The following GALNT5 variants were observed in gnomAD, a reference collection of about 807,000 sequenced individuals.
The protein encoded by GALNT5 is polypeptide N-acetylgalactosaminyltransferase 5, also known as UDP-GalNAc:polypeptide N-acetylgalactosaminyltransferase 5.
GALNT5 carries 72 observed loss-of-function variants against 85.4 expected under a neutral mutation model. The observed-to-expected ratio is 0.84, with a 90% CI of 0.70 to 1.03. The LOEUF (loss-of-function observed/expected upper bound fraction) is 1.03, where lower values mean the gene tolerates loss of function less well. Ranked by LOEUF, GALNT5 falls within the 50% of genes least tolerant of loss-of-function variation. The probability of loss-of-function intolerance (pLI) is 0.00; values close to 1 mark genes in which losing one functional copy is unlikely to be tolerated. For missense variants in GALNT5, 1,137 were observed against 1,135.5 expected, an observed-to-expected ratio of 1.00 and a Z score of -0.02; for synonymous variants, 404 against 397.0, an observed-to-expected ratio of 1.02 and a Z score of -0.21.
chr2:157,260,112 A>G (rs893250657), intron 1 of GALNT5, among the ~76,000 whole-genome samples: 4 of 152,246 alleles, frequency 2.6e-5, no homozygotes, highest in Non-Finnish European at 4.4e-5. Flanking sequence ...TCAGGAGATC[A>G]GTTACATAGG....
At chr2:157,283,354 T>C (rs6437043) in intron 1 of GALNT5, among the ~76,000 whole-genome samples, 27,213 of 152,098 alleles carry the variant, frequency 0.18, 5,552 homozygotes, top group African/African-American at 0.5. Flanking sequence ...GCACTGCTTA[T>C]GAAGAGTGGC....
intron 3 of GALNT5, among the ~76,000 whole-genome samples, chr2:157,293,980 T>C (rs1362726199): frequency 6.6e-6 from 1 of 152,212 alleles, no homozygotes; most frequent in Non-Finnish European, 1.5e-5. Flanking sequence ...AGTTTCCTTG[T>C]CTCTTAAGTG....
At chr2:157,290,092 TATA>T (rs1416116850) in intron 3 of GALNT5, among the ~76,000 whole-genome samples, 2,454 of 8,206 alleles carry the variant, frequency 0.3, 112 homozygotes, top group Middle Eastern at 0.5. Context: ...AAAATGTATA[TATA>T]TATATATATA....
chr2:157,271,671 T>C (rs896187285), intron 1 of GALNT5, among the ~76,000 whole-genome samples: 1 of 152,174 alleles, frequency 6.6e-6, no homozygotes, highest in Non-Finnish European at 1.5e-5. Flanking sequence ...GATGCCATTA[T>C]GAGGGAAATG....
chr2:157,313,310 G>C lies in GALNT5; in HGVS notation c.*1962G>C, dbSNP rs750121976. 2.0e-5 allele frequency: 3 copies of C among 152,124 alleles called. No homozygotes were observed. The highest frequency in any genetic ancestry group is 4.4e-5 in the Non-Finnish European group (3 of 68,008). The allele number at this position is 152,124 out of a possible 1,614,324, so 9.4% of individuals were successfully genotyped here. ...AAGTTTGTAACCTAGGAGCAACAGGGATTCCATATAGCCTAGGTGTGTAGT... is the reference window on the plus strand; with the variant it reads ...AAGTTTGTAACCTAGGAGCAACAGGCATTCCATATAGCCTAGGTGTGTAGT... On this transcript the variant is annotated 3_prime_UTR_variant, in exon 10 of 10. Transcript: ENST00000259056.
chr2:157,273,129 C>T (rs2105127961), intron 1 of GALNT5, among the ~76,000 whole-genome samples: 2 of 152,246 alleles, frequency 1.3e-5, no homozygotes, highest in South Asian at 4.2e-4. Context: ...TCATTGTGCT[C>T]TAGCCCCACC....
intron 5 of GALNT5, among the ~76,000 whole-genome samples, chr2:157,297,517 C>T (rs931791873): frequency 1.3e-5 from 2 of 152,220 alleles, no homozygotes; most frequent in Non-Finnish European, 2.9e-5. Context: ...CTGGATTTAA[C>T]ACTCTTATTC....
intron 1 of GALNT5, among the ~76,000 whole-genome samples, chr2:157,275,188 A>G (rs1682693258): frequency 6.6e-6 from 1 of 152,028 alleles, no homozygotes; most frequent in Non-Finnish European, 1.5e-5. Flanking sequence ...ATTCGTCCAT[A>G]TATCTGTTTT....
rs781617745 is a variant in GALNT5, at chr2:157,259,477, T to G, written c.1395T>G (p.Asn465Lys). 3 of 1,455,152 alleles carry G rather than the reference T, an allele frequency of 2.1e-6. No homozygotes were observed. The African/African-American group carries it at 4.3e-5, about 21-fold the overall frequency. 90.1% of individuals were successfully genotyped at this position (1,455,152 alleles called of 1,614,324 possible). A position where few individuals can be genotyped will look rare whatever the true frequency, so the allele number is the denominator to read the frequency against. ...GAAGATGGAAAGAAGGAAACTTCAATGTCTACCTTAGCGATTTGATCCCAG... is the reference window on the plus strand; with the variant it reads ...GAAGATGGAAAGAAGGAAACTTCAAGGTCTACCTTAGCGATTTGATCCCAG... The part of the protein sequence containing the change: ...AERRWKEGNF[N>K]VYLSDLIPVD... The change falls in exon 1 of 10, where the codon AAT (asparagine) becomes AAG (lysine). Residue 465 changes from asparagine to lysine, a missense_variant. Transcript: ENST00000259056.
intron 4 of GALNT5, 107 bp downstream of exon 4, chr2:157,295,905 C>A: frequency 1.3e-6 from 1 of 771,960 alleles, no homozygotes; most frequent in Non-Finnish European, 2.1e-6. Context: ...AAATCCAAGA[C>A]ATATACAGTT....
At position 157,316,729 on chromosome 2, in the gene GALNT5, GTGT is replaced by G. The variant is rs1683713403; in HGVS notation, c.*5384_*5386del. Reference sequence around the variant, plus strand: ...TGAAGCTTAATGGATAGTATTCCAGGTGTTGGTGGTGTCTGTATCTCAAAGAAA... The same window carrying G: ...TGAAGCTTAATGGATAGTATTCCAGGTGGTGGTGTCTGTATCTCAAAGAAA... On this transcript the variant is annotated 3_prime_UTR_variant, in exon 10 of 10. Coordinates refer to ENST00000259056, the MANE Select transcript of GALNT5 (RefSeq NM_014568.3). Among the ~76,000 whole-genome samples the G allele has an allele frequency of 6.6e-6, 1 of 152,074 alleles. No individual in the cohort carries two copies. Among genetic ancestry groups the G allele is most frequent in the Non-Finnish European group, 1.5e-5 (1 of 68,004 alleles).
chr2:157,294,908 A>G (rs1325353773), intron 3 of GALNT5, among the ~76,000 whole-genome samples: 1 of 151,812 alleles, frequency 6.6e-6, no homozygotes, highest in Admixed American at 6.6e-5. Flanking sequence ...ACTTCACACA[A>G]CTAACAGGGA....
rs757282848 is a variant in GALNT5, at chr2:157,311,168, T to C, written c.2683-40T>C. 28 of 1,541,412 alleles carry C rather than the reference T, an allele frequency of 1.8e-5. No homozygotes were observed. The Admixed American group carries it at 5.0e-4, about 27-fold the overall frequency. ...ATTTCTTCATATTGCAGTTATCAAATTCAGCCTGTGGCTCATTCCCAGCTC... is the reference window on the plus strand; with the variant it reads ...ATTTCTTCATATTGCAGTTATCAAACTCAGCCTGTGGCTCATTCCCAGCTC... On this transcript the variant is annotated intron_variant, in intron 9 of 9. Transcript: ENST00000259056.
chr2:157,300,809 AG>A lies in GALNT5; in HGVS notation c.2251del (p.Val751SerfsTer22). The A allele has an allele frequency of 6.2e-7, 1 of 1,614,092 alleles. No individual in the cohort carries two copies. The highest frequency in any genetic ancestry group is 8.5e-7 in the Non-Finnish European group (1 of 1,179,996). ...TVERNLVRVA[E>X]VWLDEYKELF... Reference sequence around the variant, plus strand: ...GAGCGGAACTTGGTGCGGGTTGCCGAGGTCTGGCTGGATGAGTATAAGGAGC... The same window carrying A: ...GAGCGGAACTTGGTGCGGGTTGCCGAGTCTGGCTGGATGAGTATAAGGAGC... On this transcript the variant is annotated frameshift_variant, in exon 7 of 10. Transcript: ENST00000259056. LOFTEE classifies it high-confidence loss of function.
At chr2:157,290,364 TAC>T (rs1437787398) in intron 3 of GALNT5, among the ~76,000 whole-genome samples, 1 of 152,076 alleles carries the variant, frequency 6.6e-6, no homozygotes, top group Non-Finnish European at 1.5e-5. Context: ...TGCCCAAGGA[TAC>T]ATCCAATGCT....
At chr2:157,299,453 G>T in intron 5 of GALNT5, 95 bp from the exon 6 acceptor site, 1 of 712,114 alleles carries the variant, frequency 1.4e-6, no homozygotes, top group Non-Finnish European at 2.5e-6. Context: ...ATTCTGAAAA[G>T]CCTCCTACCT....
chr2:157,311,561 G>T lies in GALNT5; in HGVS notation c.*213G>T, dbSNP rs2105174532. 3 of 434,458 alleles carry T rather than the reference G, an allele frequency of 6.9e-6. No homozygotes were observed. Among genetic ancestry groups the T allele is most frequent in the South Asian group, 3.0e-5 (1 of 33,786 alleles). The allele number at this position is 434,458 out of a possible 1,614,324, so 26.9% of individuals were successfully genotyped here. ...TGAAGTCCTTCTTCGGAACTGGGTGGCCTTTGAATTGCCTGCTTTCCACCC... is the reference window on the plus strand; with the variant it reads ...TGAAGTCCTTCTTCGGAACTGGGTGTCCTTTGAATTGCCTGCTTTCCACCC... On this transcript the variant is annotated 3_prime_UTR_variant, in exon 10 of 10. Coordinates refer to ENST00000259056, the MANE Select transcript of GALNT5 (RefSeq NM_014568.3).
At chr2:157,278,292 T>C (rs1006340560) in intron 1 of GALNT5, among the ~76,000 whole-genome samples, 2 of 152,196 alleles carry the variant, frequency 1.3e-5, no homozygotes, top group South Asian at 2.1e-4. Flanking sequence ...ATCTGAAAAT[T>C]ATGTGTCTTG....
At chr2:157,260,001 A>C (rs1236148449) in intron 1 of GALNT5, among the ~76,000 whole-genome samples, 1 of 152,238 alleles carries the variant, frequency 6.6e-6, no homozygotes, top group Non-Finnish European at 1.5e-5. Flanking sequence ...CTTAACCAGC[A>C]GAATTCTGCC....
Sources: gnomAD v4.1 joint callset for allele counts (sites outside exome capture counted in the v4.1 genomes callset) on GRCh38, gnomAD v4.1.1 for gene constraint, MANE v1.5 for transcripts, NCBI Gene and HGNC (gene_info 2026-07-23, HGNC 2026-07-21) for gene names.